The following CMC1 variants were observed in gnomAD, a reference collection of about 807,000 sequenced individuals.
CMC1 encodes C-X9-C motif containing 1.
A neutral mutation model predicts 14.1 loss-of-function variants in CMC1; 14 were observed. That is an observed-to-expected ratio of 0.99 (90% confidence interval 0.66 to 1.55). The LOEUF (loss-of-function observed/expected upper bound fraction) is 1.55, where lower values mean the gene tolerates loss of function less well. Among genes scored for constraint, CMC1 ranks in the 40% most tolerant of loss-of-function variants. The probability of loss-of-function intolerance (pLI) is 0.00; values close to 1 mark genes in which losing one functional copy is unlikely to be tolerated. For synonymous variants in CMC1, 50 were observed against 38.4 expected (o/e 1.30, Z -1.12); for missense variants, 127 against 123.8 (o/e 1.03, Z -0.12).
At chr3:28,298,000 A>T (rs1701832037) in intron 2 of CMC1, among the ~76,000 whole-genome samples, 1 of 151,982 alleles carries the variant, frequency 6.6e-6, no homozygotes, top group Non-Finnish European at 1.5e-5. Context: ...CCAAACTGAG[A>T]TGTTGGTCTG....
At chr3:28,252,692 TAA>T (rs1029875991) in intron 1 of CMC1, among the ~76,000 whole-genome samples, 3 of 152,214 alleles carry the variant, frequency 2.0e-5, no homozygotes, top group South Asian at 2.1e-4. Context: ...CTTGTTTGCT[TAA>T]GTCTCCTAAG....
chr3:28,289,049 C>T, intron 2 of CMC1, among the ~76,000 whole-genome samples: 1 of 150,966 alleles, frequency 6.6e-6, no homozygotes, highest in Non-Finnish European at 1.5e-5. Context: ...CTTTTATTTT[C>T]TTTTTATTTT....
At chr3:28,265,185 T>G (rs1177843913) in intron 2 of CMC1, among the ~76,000 whole-genome samples, 1 of 152,118 alleles carries the variant, frequency 6.6e-6, no homozygotes, top group Non-Finnish European at 1.5e-5. Context: ...TTGGATTATT[T>G]AAATGTATTC....
chr3:28,251,849 G>A (rs1329971244), intron 1 of CMC1, among the ~76,000 whole-genome samples: 1 of 152,138 alleles, frequency 6.6e-6, no homozygotes, highest in African/African-American at 2.4e-5. Flanking sequence ...ATCAGGCAAT[G>A]TATTGCTAAG....
chr3:28,243,124 C>A (rs746178207), intron 1 of CMC1, among the ~76,000 whole-genome samples: 1 of 152,028 alleles, frequency 6.6e-6, no homozygotes, highest in South Asian at 2.1e-4. Context: ...GGCGCTATCT[C>A]GGCTCACTGT....
intron 2 of CMC1, among the ~76,000 whole-genome samples, chr3:28,298,037 T>C (rs1701833629): frequency 6.6e-6 from 1 of 151,852 alleles, no homozygotes; most frequent in South Asian, 2.1e-4. Flanking sequence ...ATGGAGCCTT[T>C]TGTGAAGGTA....
At chr3:28,304,627 A>T (rs528713766) in intron 2 of CMC1, among the ~76,000 whole-genome samples, 3 of 152,110 alleles carry the variant, frequency 2.0e-5, no homozygotes, top group African/African-American at 7.2e-5. Flanking sequence ...CCTTGACCCA[A>T]ACTTTCCCAG....
chr3:28,268,284 C>G (rs757185542), intron 2 of CMC1, among the ~76,000 whole-genome samples: 19 of 152,052 alleles, frequency 1.2e-4, no homozygotes, highest in Non-Finnish European at 2.6e-4. Context: ...GCAAAATCAA[C>G]AAAGGGAAAA....
Position 28,241,623 on chromosome 3 carries a change from T to C in CMC1, c.-171T>C, listed in dbSNP as rs2125405520. 1 of 1,231,262 alleles carries C rather than the reference T, an allele frequency of 8.1e-7. No homozygotes were observed. The highest frequency in any genetic ancestry group is 1.0e-6 in the Non-Finnish European group (1 of 987,474). The allele number at this position is 1,231,262 out of a possible 1,614,324, so 76.3% of individuals were successfully genotyped here. On this transcript the variant is annotated 5_prime_UTR_variant, in exon 1 of 4. Transcript: ENST00000466830. ...GCAACGGGCGGCGGAAGTAGGAGCC[T>C]GGGAAGGAAGAGGGAACGGGTCCTG... is the stretch of plus-strand genomic sequence containing the variant.
Position 28,297,357 on chromosome 3 carries a change from A to G in CMC1, c.110-18976A>G, listed in dbSNP as rs182357031. On this transcript the variant is annotated intron_variant, in intron 2 of 3. Coordinates refer to ENST00000466830, the MANE Select transcript of CMC1 (RefSeq NM_182523.2). Reference sequence around the variant, plus strand: ...ATCTGAATCCCTGTTGAAATGTACTATAGCCACCATTACTGTGGCAGCCTC... The same window carrying G: ...ATCTGAATCCCTGTTGAAATGTACTGTAGCCACCATTACTGTGGCAGCCTC... Among the ~76,000 whole-genome samples, 27 of 152,150 alleles carry G rather than the reference A, an allele frequency of 1.8e-4. No individual in the cohort carries two copies. In the East Asian group the frequency reaches 4.8e-3, roughly 27 times the overall value.
intron 2 of CMC1, chr3:28,297,098 G>C (rs1317334462): frequency 6.6e-6 from 1 of 152,008 alleles, no homozygotes; most frequent in African/African-American, 2.4e-5. Flanking sequence ...TCACTGCCTT[G>C]CTGCTCCATT....
rs57007112 is a variant in CMC1, at chr3:28,309,941, CCACACACACACA to C, written c.110-6354_110-6343del. ...CCTTTTCTCCTCCACCTGACGTCCA[CCACACACACACA>C]CACACACACACACACACACACACAC... On this transcript the variant is annotated intron_variant, in intron 2 of 3. Transcript: ENST00000466830. Among the ~76,000 whole-genome samples the C allele has an allele frequency of 1.2e-3, 159 of 132,560 alleles. 1 individual carries two copies. Among genetic ancestry groups the C allele is most frequent in the East Asian group, 5.0e-3 (22 of 4,412 alleles). 87.0% of individuals were successfully genotyped at this position (132,560 alleles called of 152,430 possible).
At chr3:28,264,504 A>G (rs1577004040) in intron 2 of CMC1, among the ~76,000 whole-genome samples, 1 of 152,162 alleles carries the variant, frequency 6.6e-6, no homozygotes, top group African/African-American at 2.4e-5. Flanking sequence ...AAACTCATAT[A>G]AATAACCATC....
In CMC1 at chr3:28,305,779, A is replaced by ATTTTTTTTTTTTTTTTTTT. The variant is rs71087685; in HGVS notation, c.110-10541_110-10523dup. ...GTGTCCAGAAGAGTTTTTCATAGGAATTTTTTTTTTTTTTTTTTTTTTTTT... is the reference window on the plus strand; with the variant it reads ...GTGTCCAGAAGAGTTTTTCATAGGAATTTTTTTTTTTTTTTTTTTTTTTTTTTTTTTTTTTTTTTTTTTT... On this transcript the variant is annotated intron_variant, in intron 2 of 3. Transcript: ENST00000466830. Among the ~76,000 whole-genome samples, 6 of 43,568 alleles carry ATTTTTTTTTTTTTTTTTTT rather than the reference A, an allele frequency of 1.4e-4. 1 individual carries two copies. The highest frequency in any genetic ancestry group is 5.6e-4 in the African/African-American group (5 of 8,994). 28.6% of individuals were successfully genotyped at this position (43,568 alleles called of 152,430 possible). A position where few individuals can be genotyped will look rare whatever the true frequency, so the allele number is the denominator to read the frequency against.
intron 2 of CMC1, among the ~76,000 whole-genome samples, chr3:28,308,800 T>C (rs538653154): frequency 2.6e-5 from 4 of 152,084 alleles, no homozygotes; most frequent in East Asian, 1.9e-4. Context: ...CTGGCCAACA[T>C]GGTGAAACCC....
chr3:28,274,576 A>G (rs1025351291), intron 2 of CMC1, among the ~76,000 whole-genome samples: 1 of 151,862 alleles, frequency 6.6e-6, no homozygotes, highest in Non-Finnish European at 1.5e-5. Context: ...GGAGAATCTG[A>G]TGATTATGCA....
chr3:28,245,977 A>G (rs2125416085), intron 1 of CMC1, among the ~76,000 whole-genome samples: 1 of 152,200 alleles, frequency 6.6e-6, no homozygotes, highest in East Asian at 1.9e-4. Flanking sequence ...ATGGGGTTTC[A>G]CCATGTCGCT....
Position 28,319,672 on chromosome 3 carries a change from A to G in CMC1, c.*43A>G, listed in dbSNP as rs1577112972. The G allele has an allele frequency of 6.5e-7, 1 of 1,543,234 alleles. No individual in the cohort carries two copies. The highest frequency in any genetic ancestry group is 2.3e-5 in the East Asian group (1 of 44,010). ...ATTCAGGAACTCTAATATTCATGGA[A>G]GTCATTTTATAGTCCTTAAATAATG... On this transcript the variant is annotated 3_prime_UTR_variant, in exon 4 of 4. Transcript: ENST00000466830.
chr3:28,252,170 C>A (rs1392239939), intron 1 of CMC1, among the ~76,000 whole-genome samples: 2 of 152,132 alleles, frequency 1.3e-5, no homozygotes, highest in Non-Finnish European at 2.9e-5. Flanking sequence ...GGAAGAGGAA[C>A]TTTTCACACC....
Sources: gnomAD v4.1 joint callset for allele counts (sites outside exome capture counted in the v4.1 genomes callset) on GRCh38, gnomAD v4.1.1 for gene constraint, MANE v1.5 for transcripts, NCBI Gene and HGNC (gene_info 2026-07-23, HGNC 2026-07-21) for gene names.